The following NECAB1 variants were observed in gnomAD, a reference collection of about 807,000 sequenced individuals.
NECAB1 encodes N-terminal EF-hand calcium binding protein 1, also known as N-terminal EF-hand calcium-binding protein 1.
In NECAB1, 29 loss-of-function variants were observed where a neutral mutation model predicts 57.5. The ratio of observed to expected loss-of-function variants is 0.50; its 90% CI spans 0.38 to 0.69. The LOEUF (loss-of-function observed/expected upper bound fraction) is 0.69, where lower values mean the gene tolerates loss of function less well. Among genes scored for constraint, NECAB1 ranks in the 30% least tolerant of loss-of-function variants. The probability of loss-of-function intolerance (pLI) is 0.00; values close to 1 mark genes in which losing one functional copy is unlikely to be tolerated. For missense variants in NECAB1, 372 were observed against 413.8 expected (o/e 0.90, Z 0.88); for synonymous variants, 142 against 147.7 (o/e 0.96, Z 0.28).
At chr8:90,909,374 C>T (rs1232254018) in intron 5 of NECAB1, among the ~76,000 whole-genome samples, 5 of 129,456 alleles carry the variant, frequency 3.9e-5, no homozygotes, top group African/African-American at 8.4e-5. Flanking sequence ...TAGGCCTCTA[C>T]GAAAAAAAAA....
intron 5 of NECAB1, among the ~76,000 whole-genome samples, chr8:90,884,406 T>C (rs1808920880): frequency 6.6e-6 from 1 of 152,212 alleles, no homozygotes; most frequent in Non-Finnish European, 1.5e-5. Context: ...ACAATCATTT[T>C]ATTTGAGTCT....
rs150464350 is a variant in NECAB1 at position 90,829,770 on chromosome 8, A to G, written c.233+4945A>G. ...ATAGTCCATCTTGAGCTAGCTCTGA[A>G]AGTTTAAAAAGCTCTTTTTTAAACC... On this transcript the variant is annotated intron_variant, in intron 3 of 12. Transcript: ENST00000417640. 1.5e-4 allele frequency among the ~76,000 whole-genome samples: 23 copies of G among 152,176 alleles called. No homozygotes were observed. The East Asian group carries it at 4.3e-3, about 28-fold the overall frequency.
In NECAB1 at chr8:90,826,567, C is replaced by T. The variant is rs149736308; in HGVS notation, c.233+1742C>T. 6.0e-3 allele frequency among the ~76,000 whole-genome samples: 909 copies of T among 151,884 alleles called. 6 individuals are homozygous for T. The highest frequency in any genetic ancestry group is 0.02 in the African/African-American group (844 of 41,442). ...GGTGTTGGACGTTGAGATGCTAATG[C>T]TTTGTTATGTATGCTGATTATTTCT... On this transcript the variant is annotated intron_variant, in intron 3 of 12. Transcript: ENST00000417640.
intron 3 of NECAB1, among the ~76,000 whole-genome samples, chr8:90,869,310 C>G (rs1222453688): frequency 6.6e-6 from 1 of 152,210 alleles, no homozygotes; most frequent in African/African-American, 2.4e-5. Context: ...CATAGAGTCC[C>G]CACTGGGGCA....
At chr8:90,870,217 T>G (rs1199754740) in intron 3 of NECAB1, among the ~76,000 whole-genome samples, 1 of 152,208 alleles carries the variant, frequency 6.6e-6, no homozygotes, top group East Asian at 1.9e-4. Context: ...CTCTTGTCTT[T>G]GTAAATTACC....
rs1811577609 is a variant in NECAB1 at position 90,791,854 on chromosome 8, C to G, written c.-33C>G. ...CCAGAGCCGGTGCGTCCGCCTAGCCCCGCTCCGCCTGAGGCCGTCAGGGCT... is the reference window on the plus strand; with the variant it reads ...CCAGAGCCGGTGCGTCCGCCTAGCCGCGCTCCGCCTGAGGCCGTCAGGGCT... On this transcript the variant is annotated 5_prime_UTR_variant, in exon 1 of 13. Transcript: ENST00000417640. The G allele has an allele frequency of 6.6e-7, 1 of 1,525,682 alleles. No homozygotes were observed. The highest frequency in any genetic ancestry group is 2.0e-5 in the Admixed American group (1 of 50,948). 94.5% of individuals were successfully genotyped at this position (1,525,682 alleles called of 1,614,324 possible).
Position 90,896,641 on chromosome 8 carries a change from C to G in NECAB1, c.357+15511C>G, listed in dbSNP as rs191678817. On this transcript the variant is annotated intron_variant, in intron 5 of 12. Coordinates refer to ENST00000417640, the MANE Select transcript of NECAB1 (RefSeq NM_022351.5). ...AAAACAAAAACAAAAACAAAAAAAA[C>G]AAACAAACTAATACGTCAGTATGTT... Among the ~76,000 whole-genome samples, 517 of 134,496 alleles carry G rather than the reference C, an allele frequency of 3.8e-3. 2 individuals carry two copies. Among genetic ancestry groups the G allele is most frequent in the African/African-American group, 0.013 (480 of 37,458 alleles). 88.2% of individuals were successfully genotyped at this position (134,496 alleles called of 152,430 possible). A position where few individuals can be genotyped will look rare whatever the true frequency, so the allele number is the denominator to read the frequency against.
chr8:90,842,935 TC>T (rs1411379479), intron 3 of NECAB1, among the ~76,000 whole-genome samples: 3 of 152,188 alleles, frequency 2.0e-5, no homozygotes, highest in Non-Finnish European at 4.4e-5. Flanking sequence ...CTATTCTGTG[TC>T]CCTTTCACAT....
chr8:90,907,151 T>TGTGAGA (rs1341940094), intron 5 of NECAB1, among the ~76,000 whole-genome samples: 12 of 102,092 alleles, frequency 1.2e-4, no homozygotes, highest in South Asian at 9.5e-4. Context: ...TGTGTGTGTG[T>TGTGAGA]GAGAGAGAGA....
At chr8:90,936,813 T>G (rs1019070993) in intron 9 of NECAB1, among the ~76,000 whole-genome samples, 1 of 152,148 alleles carries the variant, frequency 6.6e-6, no homozygotes, top group Non-Finnish European at 1.5e-5. Flanking sequence ...CCATTTTTTT[T>G]TTTCTCAGCC....
At chr8:90,818,510 T>C (rs111824103) in intron 2 of NECAB1, among the ~76,000 whole-genome samples, 13 of 152,138 alleles carry the variant, frequency 8.5e-5, no homozygotes, top group African/African-American at 3.1e-4. Flanking sequence ...ATCTAGATTG[T>C]GATGTTTTCT....
rs536856852 is a variant in NECAB1 at position 90,908,158 on chromosome 8, C to T, written c.358-9334C>T. ...TAGAACTATCCATCTGACACATATA[C>T]TGTTTAGGAACAGTAACATTACAAA... On this transcript the variant is annotated intron_variant, in intron 5 of 12. Transcript: ENST00000417640. Among the ~76,000 whole-genome samples the T allele has an allele frequency of 7.0e-4, 107 of 152,258 alleles. No individual in the cohort carries two copies. The South Asian group carries it at 7.9e-3, about 11-fold the overall frequency.
intron 3 of NECAB1, among the ~76,000 whole-genome samples, chr8:90,842,967 C>T (rs1425397787): frequency 6.6e-6 from 1 of 152,128 alleles, no homozygotes; most frequent in Non-Finnish European, 1.5e-5. Flanking sequence ...CATTTTCATA[C>T]TGCTATGAAG....
intron 3 of NECAB1, among the ~76,000 whole-genome samples, chr8:90,832,029 C>T (rs1812305135): frequency 6.6e-6 from 1 of 152,104 alleles, no homozygotes; most frequent in South Asian, 2.1e-4. Context: ...ACTGGGCCTA[C>T]GATTATTGAT....
At chr8:90,887,453 TA>T (rs1326937255) in intron 5 of NECAB1, among the ~76,000 whole-genome samples, 4 of 152,208 alleles carry the variant, frequency 2.6e-5, no homozygotes, top group African/African-American at 9.6e-5. Flanking sequence ...TACAAACATG[TA>T]AAACATTAGC....
intron 5 of NECAB1, among the ~76,000 whole-genome samples, chr8:90,885,309 C>T (rs757858403): frequency 9.2e-5 from 14 of 152,124 alleles, no homozygotes; most frequent in Non-Finnish European, 1.6e-4. Context: ...TGCACTGGCA[C>T]CTACCTGGCA....
At chr8:90,853,140 G>A (rs1237191081) in intron 3 of NECAB1, among the ~76,000 whole-genome samples, 3 of 152,254 alleles carry the variant, frequency 2.0e-5, no homozygotes, top group African/African-American at 7.2e-5. Context: ...CACTTGCCCT[G>A]GCTCCTGTAA....
chr8:90,938,593 C>T (rs562650303), intron 9 of NECAB1, among the ~76,000 whole-genome samples: 85 of 152,244 alleles, frequency 5.6e-4, no homozygotes, highest in African/African-American at 1.9e-3. Context: ...TAAAAAGCTC[C>T]GCTTGTCAGA....
chr8:90,864,290 A>G (rs1329747886), intron 3 of NECAB1, among the ~76,000 whole-genome samples: 1 of 137,206 alleles, frequency 7.3e-6, no homozygotes, highest in African/African-American at 2.7e-5. Context: ...AAAAAAAACG[A>G]GGAAGGAAGG....
Sources: allele counts gnomAD v4.1 joint callset (sites outside exome capture counted in the v4.1 genomes callset), GRCh38; gene constraint gnomAD v4.1.1; transcripts MANE v1.5; gene names NCBI Gene and HGNC (gene_info 2026-07-23, HGNC 2026-07-21).